Variants in ANO2 observed in about 807,000 individuals in gnomAD.
ANO2 encodes anoctamin 2, also known as anoctamin-2.
Under a neutral mutation model 124.2 loss-of-function variants are expected in ANO2, and 101 were observed. The ratio of observed to expected loss-of-function variants is 0.81; its 90% CI spans 0.69 to 0.96. The LOEUF (loss-of-function observed/expected upper bound fraction) is 0.96, where lower values mean the gene tolerates loss of function less well. ANO2 is among the 40% of genes least tolerant of loss of function. The pLI is 0.00. For missense variants in ANO2, 1,293 were observed against 1,274.5 expected, an observed-to-expected ratio of 1.01 and a Z score of -0.22; for synonymous variants, 486 against 482.5, an observed-to-expected ratio of 1.01 and a Z score of -0.09.
chr12:5,715,173 C>T (rs1949973930), intron 14 of ANO2, among the ~76,000 whole-genome samples: 1 of 151,972 alleles, frequency 6.6e-6, no homozygotes. Flanking sequence ...TCAGACTGAC[C>T]CTACTTGTCC....
At chr12:5,719,117 G>A (rs947969084) in intron 14 of ANO2, among the ~76,000 whole-genome samples, 1 of 152,184 alleles carries the variant, frequency 6.6e-6, no homozygotes. Context: ...GGACTTAGGA[G>A]ACCCTGATAC....
intron 7 of ANO2, among the ~76,000 whole-genome samples, chr12:5,807,694 G>A (rs1206835225): frequency 2.0e-5 from 3 of 152,114 alleles, no homozygotes; most frequent in South Asian, 2.1e-4. Context: ...CTCCATGACC[G>A]CATAGGAATG....
intron 22 of ANO2, among the ~76,000 whole-genome samples, chr12:5,576,387 C>T (rs1456992238): frequency 1.3e-5 from 2 of 152,206 alleles, no homozygotes; most frequent in Non-Finnish European, 2.9e-5. Flanking sequence ...GATGAGGGTA[C>T]TACGTAAGTG....
At chr12:5,770,361 C>T (rs578151080) in intron 10 of ANO2, among the ~76,000 whole-genome samples, 1 of 152,256 alleles carries the variant, frequency 6.6e-6, no homozygotes, top group South Asian at 2.1e-4. Flanking sequence ...GAGTGGCTAA[C>T]AAGGGTCCCA....
chr12:5,622,036 G>C (rs1188392361), intron 16 of ANO2, among the ~76,000 whole-genome samples: 2 of 152,054 alleles, frequency 1.3e-5, no homozygotes, highest in African/African-American at 4.8e-5. Context: ...TATTTTGGGG[G>C]CAAGAAAATT....
chr12:5,861,980 T>C (rs1167437013), intron 3 of ANO2, among the ~76,000 whole-genome samples: 1 of 152,136 alleles, frequency 6.6e-6, no homozygotes, highest in Non-Finnish European at 1.5e-5. Flanking sequence ...TCTGCTCCAT[T>C]TGAGGAACAC....
rs1481838711 is a variant in ANO2 at position 5,695,170 on chromosome 12, GTTAGAGT to G, written c.1545+37343_1545+37349del. On this transcript the variant is annotated intron_variant, in intron 14 of 24. Transcript: ENST00000682330. ...GAAATGGTCCTCATTAAATTTTTGT[GTTAGAGT>G]AGAGAGCACTCCAAGCACCACTCCT... Among the ~76,000 whole-genome samples, 4 of 152,100 alleles carry G rather than the reference GTTAGAGT, an allele frequency of 2.6e-5. No individual in the cohort carries two copies. The East Asian group carries it at 7.7e-4, about 29-fold the overall frequency.
At chr12:5,820,312 T>G (rs1591654791) in intron 7 of ANO2, among the ~76,000 whole-genome samples, 1 of 152,166 alleles carries the variant, frequency 6.6e-6, no homozygotes, top group South Asian at 2.1e-4. Context: ...ATCAGATTTT[T>G]GGGGACTACT....
intron 14 of ANO2, among the ~76,000 whole-genome samples, chr12:5,713,354 C>T (rs1949885948): frequency 1.3e-5 from 2 of 152,168 alleles, no homozygotes; most frequent in African/African-American, 4.8e-5. Context: ...TGTTTTACTT[C>T]TTTAACATTA....
intron 14 of ANO2, among the ~76,000 whole-genome samples, chr12:5,723,468 C>T (rs1950318616): frequency 6.6e-6 from 1 of 152,132 alleles, no homozygotes; most frequent in South Asian, 2.1e-4. Context: ...CACATCTCTA[C>T]CCATACATTT....
At chr12:5,672,304 A>C (rs183431269) in intron 14 of ANO2, among the ~76,000 whole-genome samples, 3 of 152,226 alleles carry the variant, frequency 2.0e-5, no homozygotes, top group Non-Finnish European at 4.4e-5. Context: ...ACCAAGCTCT[A>C]TAATTGTGGT....
At chr12:5,823,765 T>G (rs1953876637) in intron 7 of ANO2, among the ~76,000 whole-genome samples, 1 of 152,228 alleles carries the variant, frequency 6.6e-6, no homozygotes, top group Non-Finnish European at 1.5e-5. Flanking sequence ...ACATTTCCCC[T>G]GCACACTGCC....
chr12:5,647,658 C>T (rs367978), intron 15 of ANO2, 69 bp downstream of exon 15: 946,905 of 1,179,694 alleles, frequency 0.8, 382,542 homozygotes, highest in Middle Eastern at 0.85. Context: ...GAATATAATA[C>T]CCACAGTAGT....
At chr12:5,574,268 G>T (rs1942283620) in intron 23 of ANO2, among the ~76,000 whole-genome samples, 1 of 152,100 alleles carries the variant, frequency 6.6e-6, no homozygotes, top group Admixed American at 6.6e-5. Context: ...CTCTTCATTT[G>T]CCCTTCTTGG....
intron 16 of ANO2, among the ~76,000 whole-genome samples, chr12:5,621,117 C>A (rs1945097554): frequency 1.3e-5 from 2 of 152,118 alleles, no homozygotes; most frequent in Non-Finnish European, 2.9e-5. Flanking sequence ...TCACTCTGCA[C>A]CCTCATGTGA....
At chr12:5,581,866 C>T (rs189984042) in intron 20 of ANO2, among the ~76,000 whole-genome samples, 8 of 152,248 alleles carry the variant, frequency 5.3e-5, no homozygotes, top group African/African-American at 1.9e-4. Context: ...CTGCAGATGT[C>T]GCCTGCTCAG....
intron 10 of ANO2, among the ~76,000 whole-genome samples, chr12:5,794,476 C>T (rs1214868085): frequency 6.6e-6 from 1 of 151,998 alleles, no homozygotes; most frequent in Non-Finnish European, 1.5e-5. Context: ...ACTATAAATC[C>T]TTATACAGGG....
intron 14 of ANO2, among the ~76,000 whole-genome samples, chr12:5,676,952 G>A (rs1267262730): frequency 6.6e-6 from 1 of 152,158 alleles, no homozygotes; most frequent in African/African-American, 2.4e-5. Context: ...TACTTGGGAG[G>A]CTGAGACAGG....
intron 1 of ANO2, among the ~76,000 whole-genome samples, chr12:5,927,052 C>T (rs1458281695): frequency 6.6e-6 from 1 of 152,192 alleles, no homozygotes; most frequent in Non-Finnish European, 1.5e-5. Flanking sequence ...CCTCCTTCAT[C>T]CGTCTCTTCT....
Sources: gnomAD v4.1 joint callset for allele counts (sites outside exome capture counted in the v4.1 genomes callset) on GRCh38, gnomAD v4.1.1 for gene constraint, MANE v1.5 for transcripts, NCBI Gene and HGNC (gene_info 2026-07-23, HGNC 2026-07-21) for gene names.